The following PICALM variants were observed in gnomAD, a reference collection of about 807,000 sequenced individuals.
PICALM encodes phosphatidylinositol-binding clathrin assembly protein.
Under a neutral mutation model 80.5 loss-of-function variants are expected in PICALM, and 40 were observed. That is an observed-to-expected ratio of 0.50 (90% CI 0.39 to 0.65). The LOEUF (loss-of-function observed/expected upper bound fraction) is 0.65, where lower values mean the gene tolerates loss of function less well. Ranked by LOEUF, PICALM falls within the 30% of genes least tolerant of loss-of-function variation. The pLI, the probability that PICALM is intolerant of heterozygous loss-of-function variation, is 0.00. For missense variants in PICALM, 676 were observed against 778.9 expected (o/e 0.87, Z 1.57); for synonymous variants, 288 against 260.3 (o/e 1.11, Z -1.02).
chr11:85,970,378 T>C (rs945671281), intron 19 of PICALM, among the ~76,000 whole-genome samples: 7 of 152,288 alleles, frequency 4.6e-5, no homozygotes, highest in Middle Eastern at 3.4e-3. Flanking sequence ...TGGATACTTA[T>C]TGAGAATTGT....
chr11:86,024,070 A>G (rs1348002091), intron 3 of PICALM, among the ~76,000 whole-genome samples: 1 of 152,146 alleles, frequency 6.6e-6, no homozygotes, highest in African/African-American at 2.4e-5. Context: ...TAGAGGCTGC[A>G]GTGAGCTACG....
chr11:85,979,066 G>A (rs61907296), intron 17 of PICALM, among the ~76,000 whole-genome samples: 7,974 of 151,624 alleles, frequency 0.053, 357 homozygotes, highest in African/African-American at 0.13. Flanking sequence ...TTTGCACTTA[G>A]GGAAAAAAAA....
At chr11:85,984,062 G>A (rs750262285) in intron 13 of PICALM, 89 bp from the exon 14 acceptor site, 4 of 636,474 alleles carry the variant, frequency 6.3e-6, no homozygotes, top group South Asian at 2.0e-5. Context: ...AATGGAAAAT[G>A]CACTAAATTC....
chr11:86,059,544 T>A (rs547742090), intron 1 of PICALM, among the ~76,000 whole-genome samples: 1 of 152,182 alleles, frequency 6.6e-6, no homozygotes, highest in African/African-American at 2.4e-5. Context: ...CTCACACTTA[T>A]AATCCCAGCA....
At chr11:85,970,910 G>C (rs2094087853) in intron 19 of PICALM, among the ~76,000 whole-genome samples, 1 of 152,176 alleles carries the variant, frequency 6.6e-6, no homozygotes, top group Non-Finnish European at 1.5e-5. Flanking sequence ...GATTAAATCG[G>C]GGAGGCAGAG....
At chr11:85,979,215 C>T (rs185680575) in intron 17 of PICALM, among the ~76,000 whole-genome samples, 18 of 152,182 alleles carry the variant, frequency 1.2e-4, no homozygotes, top group Admixed American at 3.9e-4. Flanking sequence ...ATAGGCTGGG[C>T]GTGGTAGCTC....
intron 8 of PICALM, 90 bp from the exon 9 acceptor site, chr11:86,003,541 T>C (rs1457983818): frequency 1.5e-6 from 1 of 685,840 alleles, no homozygotes; most frequent in Non-Finnish European, 2.4e-6. Flanking sequence ...GCAACAAAAA[T>C]AAACAGGTAT....
At chr11:85,981,329 G>T in intron 16 of PICALM, 101 bp from the exon 17 acceptor site, 1 of 703,618 alleles carries the variant, frequency 1.4e-6, no homozygotes, top group Non-Finnish European at 2.4e-6. Flanking sequence ...CTTGAGGCTG[G>T]GCGTGGTGGC....
At chr11:86,036,003 A>G (rs1445682651) in intron 1 of PICALM, among the ~76,000 whole-genome samples, 1 of 151,992 alleles carries the variant, frequency 6.6e-6, no homozygotes, top group Non-Finnish European at 1.5e-5. Flanking sequence ...TTAATATGGA[A>G]GGCAAGGCAA....
At position 86,018,679 on chromosome 11, in the gene PICALM, A is replaced by T. The variant is rs187778634; in HGVS notation, c.452+3688T>A. On this transcript the variant is annotated intron_variant, in intron 4 of 19. Transcript: ENST00000393346. ...CGAGACAGGTAGCTCACTTGAGGTC[A>T]GGAGCTCAAGATCAGCCTGGCCAAC... Among the ~76,000 whole-genome samples the T allele has an allele frequency of 2.6e-4, 40 of 152,282 alleles. No individual in the cohort carries two copies. In the East Asian group the frequency reaches 6.6e-3, roughly 25 times the overall value.
intron 1 of PICALM, among the ~76,000 whole-genome samples, chr11:86,033,750 C>G (rs963338212): frequency 6.6e-6 from 1 of 152,144 alleles, no homozygotes; most frequent in African/African-American, 2.4e-5. Flanking sequence ...GTTCTCAACT[C>G]TATCCCCAAA....
At chr11:86,003,500 C>A in intron 8 of PICALM, 49 bp from the exon 9 acceptor site, 2 of 1,155,174 alleles carry the variant, frequency 1.7e-6, no homozygotes, top group South Asian at 2.9e-5. Context: ...GGCCACTGGT[C>A]AAATTAAATC....
chr11:85,976,468 A>G (rs1476451655), intron 18 of PICALM, among the ~76,000 whole-genome samples, 155 bp downstream of exon 18: 4 of 152,246 alleles, frequency 2.6e-5, no homozygotes, highest in African/African-American at 7.2e-5. Flanking sequence ...TATTCTAGAC[A>G]TACTTATGAA....
At chr11:86,034,419 G>C (rs1293375806) in intron 1 of PICALM, among the ~76,000 whole-genome samples, 2 of 152,098 alleles carry the variant, frequency 1.3e-5, no homozygotes, top group East Asian at 3.8e-4. Flanking sequence ...AAAGTAAACT[G>C]TTCCAAACAA....
At chr11:86,064,691 A>G (rs1296554862) in intron 1 of PICALM, among the ~76,000 whole-genome samples, 10 of 151,636 alleles carry the variant, frequency 6.6e-5, no homozygotes, top group African/African-American at 2.4e-4. Flanking sequence ...AGCCATTAGT[A>G]TAAATATTAC....
intron 3 of PICALM, among the ~76,000 whole-genome samples, chr11:86,023,027 A>T (rs1387444899): frequency 6.6e-6 from 1 of 152,212 alleles, no homozygotes; most frequent in Admixed American, 6.5e-5. Context: ...AACTTTCTAA[A>T]TGAATACATA....
intron 7 of PICALM, among the ~76,000 whole-genome samples, chr11:86,008,165 G>C (rs2095316756): frequency 6.6e-6 from 1 of 152,016 alleles, no homozygotes; most frequent in African/African-American, 2.4e-5. Flanking sequence ...TGATGCTCAG[G>C]CCCTAGGCAA....
At chr11:86,028,545 T>C (rs1487061289) in intron 2 of PICALM, among the ~76,000 whole-genome samples, 1 of 152,234 alleles carries the variant, frequency 6.6e-6, no homozygotes, top group Non-Finnish European at 1.5e-5. Flanking sequence ...TAATCATCTA[T>C]AACTTGTCAT....
At chr11:85,960,748 G>A in intron 19 of PICALM, 1 of 1,313,994 alleles carries the variant, frequency 7.6e-7, no homozygotes, top group Non-Finnish European at 1.0e-6. Context: ...TGTGAGGACT[G>A]TGACTGGAGG....
Sources: gnomAD v4.1 joint callset for allele counts (sites outside exome capture counted in the v4.1 genomes callset) on GRCh38, gnomAD v4.1.1 for gene constraint, MANE v1.5 for transcripts, NCBI Gene and HGNC (gene_info 2026-07-23, HGNC 2026-07-21) for gene names.